The following SRRM3 variants were observed in gnomAD, a reference collection of about 807,000 sequenced individuals.
The protein encoded by SRRM3 is serine/arginine repetitive matrix 3.
In SRRM3, 27 loss-of-function variants were observed where a neutral mutation model predicts 66.2. The ratio of observed to expected loss-of-function variants is 0.41; its 90% CI spans 0.30 to 0.56. SRRM3 has a LOEUF of 0.56. Among genes scored for constraint, SRRM3 ranks in the 20% least tolerant of loss-of-function variants. The probability of loss-of-function intolerance (pLI) is 0.32; values close to 1 mark genes in which losing one functional copy is unlikely to be tolerated. For missense variants in SRRM3, 918 were observed against 991.9 expected, an observed-to-expected ratio of 0.93 and a Z score of 1.00; for synonymous variants, 391 against 414.9, an observed-to-expected ratio of 0.94 and a Z score of 0.70.
chr7:76,235,441 C>A (rs1478947829), intron 2 of SRRM3, 142 bp downstream of exon 2: 5 of 776,866 alleles, frequency 6.4e-6, no homozygotes, highest in Non-Finnish European at 9.8e-6. Context: ...CGGAGTCGGG[C>A]GACTGTGGGA....
At chr7:76,274,406 G>C (rs1802289834) in intron 11 of SRRM3, among the ~76,000 whole-genome samples, 1 of 152,184 alleles carries the variant, frequency 6.6e-6, no homozygotes, top group Non-Finnish European at 1.5e-5. Flanking sequence ...GGGTGGCAGT[G>C]GGCAGGGCAG....
chr7:76,283,182 ACCTTCTCT>A, intron 14 of SRRM3, 81 bp downstream of exon 14: 1 of 1,246,448 alleles, frequency 8.0e-7, no homozygotes, highest in Non-Finnish European at 1.0e-6. Context: ...CGGCCCGGGG[ACCTTCTCT>A]GAGGATCCAC....
intron 1 of SRRM3, among the ~76,000 whole-genome samples, chr7:76,227,077 G>A (rs1363948939): frequency 4.8e-5 from 7 of 146,802 alleles, no homozygotes; most frequent in African/African-American, 1.5e-4. Flanking sequence ...CCAATCAGTG[G>A]TAGGGTAAAG....
chr7:76,240,043 G>A (rs1196174893), intron 2 of SRRM3, among the ~76,000 whole-genome samples: 1 of 152,126 alleles, frequency 6.6e-6, no homozygotes. Flanking sequence ...GTGGACGCCT[G>A]TAATTCCAGC....
At chr7:76,240,956 G>T (rs943766103) in intron 2 of SRRM3, among the ~76,000 whole-genome samples, 1 of 152,012 alleles carries the variant, frequency 6.6e-6, no homozygotes, top group Non-Finnish European at 1.5e-5. Flanking sequence ...GAGTGCAATG[G>T]CGCCATCTTG....
intron 8 of SRRM3, among the ~76,000 whole-genome samples, chr7:76,262,914 A>C (rs1184162795): frequency 6.6e-6 from 1 of 152,190 alleles, no homozygotes; most frequent in African/African-American, 2.4e-5. Flanking sequence ...GTTGTGGGGC[A>C]GTCACATTCC....
chr7:76,255,100 A>G lies in SRRM3; in HGVS notation c.336-4806A>G, dbSNP rs1025353968. On this transcript the variant is annotated intron_variant, in intron 3 of 14. Transcript: ENST00000611745. Reference sequence around the variant, plus strand: ...GGCCTCAAGGCTAGCTACCCCTGTCATATTTGGGTAACATTATTTTTCCTT... The same window carrying G: ...GGCCTCAAGGCTAGCTACCCCTGTCGTATTTGGGTAACATTATTTTTCCTT... Among the ~76,000 whole-genome samples the G allele has an allele frequency of 2.0e-5, 3 of 147,396 alleles. No individual in the cohort carries two copies. The East Asian group carries it at 6.0e-4, about 30-fold the overall frequency.
At chr7:76,206,714 C>T (rs954234918) in intron 1 of SRRM3, among the ~76,000 whole-genome samples, 10 of 152,208 alleles carry the variant, frequency 6.6e-5, no homozygotes, top group Non-Finnish European at 1.5e-4. Flanking sequence ...ACATTGGCTC[C>T]AGAGCAGTCC....
At chr7:76,253,510 A>C (rs1801631087) in intron 3 of SRRM3, among the ~76,000 whole-genome samples, 1 of 151,772 alleles carries the variant, frequency 6.6e-6, no homozygotes, top group Admixed American at 6.6e-5. Flanking sequence ...AGTCTCCGCT[A>C]CTCGGGAAGC....
intron 2 of SRRM3, among the ~76,000 whole-genome samples, chr7:76,238,206 A>G (rs1554605182): frequency 6.6e-6 from 1 of 152,232 alleles, no homozygotes; most frequent in Admixed American, 6.5e-5. Flanking sequence ...AAATAGGGGC[A>G]CCTGTGTTCT....
At chr7:76,247,400 G>A (rs1801469374) in intron 2 of SRRM3, among the ~76,000 whole-genome samples, 1 of 152,010 alleles carries the variant, frequency 6.6e-6, no homozygotes, top group South Asian at 2.1e-4. Flanking sequence ...GGGGTGCTTT[G>A]ACGACCTCCC....
chr7:76,260,182 G>A lies in SRRM3; in HGVS notation c.530G>A (p.Gly177Asp). ...AAGAAAAAGAAGAAAAAGAAAGGCG[G>A]CCACCGGAGAAGCCGGTGAGAACCG... ...PPKKKKKKKG[G>D]HRRSRKKRRL... The change falls in exon 5 of 15, where the codon GGC (glycine) becomes GAC (aspartate). Residue 177 changes from glycine (G) to aspartate (D), a missense_variant. Gly to Asp is a moderately conservative substitution (Grantham distance 94). Coordinates refer to ENST00000611745, the MANE Select transcript of SRRM3 (RefSeq NM_001110199.3). 6.5e-7 allele frequency: 1 copy of A among 1,541,962 alleles called. No homozygotes were observed. The highest frequency in any genetic ancestry group is 8.7e-7 in the Non-Finnish European group (1 of 1,145,162).
intron 2 of SRRM3, among the ~76,000 whole-genome samples, chr7:76,242,232 C>G (rs916819328): frequency 6.7e-6 from 1 of 149,708 alleles, no homozygotes; most frequent in Non-Finnish European, 1.5e-5. Context: ...CGCCTGTAAT[C>G]CCAGCACTTT....
chr7:76,258,470 G>A (rs1050683456), intron 3 of SRRM3, among the ~76,000 whole-genome samples: 3 of 148,800 alleles, frequency 2.0e-5, no homozygotes, highest in Admixed American at 6.7e-5. Context: ...ATCCCAGCAC[G>A]TTGGGAGGCC....
At chr7:76,282,312 C>A in intron 12 of SRRM3, among the ~76,000 whole-genome samples, 1 of 143,414 alleles carries the variant, frequency 7.0e-6, no homozygotes, top group Non-Finnish European at 1.5e-5. Context: ...TTATCCTGAC[C>A]CCTCCCCACA....
At chr7:76,213,290 C>T (rs1426519011) in intron 1 of SRRM3, among the ~76,000 whole-genome samples, 9 of 152,204 alleles carry the variant, frequency 5.9e-5, no homozygotes, top group South Asian at 2.1e-4. Context: ...GGATTACAGG[C>T]GTGAGCCACC....
At position 76,281,848 on chromosome 7, in the gene SRRM3, C is replaced by A. The variant is rs190420597; in HGVS notation, c.1370+46C>A. The A allele has an allele frequency of 5.4e-4, 644 of 1,186,866 alleles. 13 individuals are homozygous for A. In the East Asian group the frequency reaches 0.023, roughly 42 times the overall value. 73.5% of individuals were successfully genotyped at this position (1,186,866 alleles called of 1,614,324 possible). ...GCTGGACTCCCGCCCCCACCCCGCA[C>A]AGGGCTCCCCTCCACTAGCGGATCC... On this transcript the variant is annotated intron_variant, in intron 12 of 14. Transcript: ENST00000611745.
chr7:76,259,058 C>T (rs1326303187), intron 3 of SRRM3, among the ~76,000 whole-genome samples: 24 of 151,414 alleles, frequency 1.6e-4, no homozygotes, highest in Admixed American at 1.6e-3. Context: ...TGCACTCCAG[C>T]CAGGACAACG....
In SRRM3 at chr7:76,283,118, GGGGGCCGGTGGCGCAGGGCT is replaced by G. The variant is rs1802571670; in HGVS notation, c.1733+25_1733+44del. ...CATCACCAGGTATGGAGGGTCTTGG[GGGGGCCGGTGGCGCAGGGCT>G]GGGGCCGCTGACCCGGATCAGGGAC... On this transcript the variant is annotated intron_variant, in intron 14 of 14. Coordinates refer to ENST00000611745, the MANE Select transcript of SRRM3 (RefSeq NM_001110199.3). 1 of 1,412,598 alleles carries G rather than the reference GGGGGCCGGTGGCGCAGGGCT, an allele frequency of 7.1e-7. No individual in the cohort carries two copies. The highest frequency in any genetic ancestry group is 2.7e-5 in the Admixed American group (1 of 36,772). 87.5% of individuals were successfully genotyped at this position (1,412,598 alleles called of 1,614,324 possible).
Sources: allele counts gnomAD v4.1 joint callset (sites outside exome capture counted in the v4.1 genomes callset), GRCh38; gene constraint gnomAD v4.1.1; transcripts MANE v1.5; gene names NCBI Gene and HGNC (gene_info 2026-07-23, HGNC 2026-07-21).